Variants in TMTC3 observed in about 807,000 individuals in gnomAD.
TMTC3 encodes transmembrane O-mannosyltransferase targeting cadherins 3, also known as protein O-mannosyl-transferase TMTC3.
TMTC3 carries 52 observed loss-of-function variants against 92.2 expected under a neutral mutation model. That is an observed-to-expected ratio of 0.56 (90% confidence interval 0.45 to 0.71). The LOEUF is 0.71. Among genes scored for constraint, TMTC3 ranks in the 30% least tolerant of loss-of-function variants. The pLI is 0.00. For synonymous variants in TMTC3, 339 were observed against 363.3 expected, an observed-to-expected ratio of 0.93 and a Z score of 0.76; for missense variants, 896 against 1,057.1, an observed-to-expected ratio of 0.85 and a Z score of 2.11.
At chr12:88,187,661 G>GT (rs1252389842) in intron 10 of TMTC3, among the ~76,000 whole-genome samples, 4 of 152,134 alleles carry the variant, frequency 2.6e-5, no homozygotes, top group African/African-American at 9.7e-5. Flanking sequence ...ACAATTGCCA[G>GT]CCTAAAACAT....
intron 4 of TMTC3, among the ~76,000 whole-genome samples, chr12:88,156,817 T>TTTG (rs1365402842): frequency 1.3e-5 from 2 of 151,002 alleles, no homozygotes; most frequent in East Asian, 1.9e-4. Context: ...GTGTGTTTTT[T>TTTG]TTTTTTTTTT....
At chr12:88,159,006 C>T (rs565475848) in intron 4 of TMTC3, among the ~76,000 whole-genome samples, 4 of 148,310 alleles carry the variant, frequency 2.7e-5, no homozygotes, top group Admixed American at 6.8e-5. Flanking sequence ...GAACTGAGAC[C>T]GTGCCATTGC....
intron 2 of TMTC3, among the ~76,000 whole-genome samples, chr12:88,148,820 G>A (rs1276709457): frequency 6.6e-6 from 1 of 151,580 alleles, no homozygotes; most frequent in Non-Finnish European, 1.5e-5. Flanking sequence ...TGATGTTTGG[G>A]GTACCAATCT....
At chr12:88,174,581 T>G (rs1431155740) in intron 8 of TMTC3, 26 bp from the exon 9 acceptor site, 1 of 1,588,630 alleles carries the variant, frequency 6.3e-7, no homozygotes, top group Non-Finnish European at 8.5e-7. Flanking sequence ...CAATTTTTTT[T>G]GTTTTGCTTT....
intron 7 of TMTC3, among the ~76,000 whole-genome samples, chr12:88,168,597 C>T (rs1251881318): frequency 1.3e-5 from 2 of 152,064 alleles, no homozygotes; most frequent in Admixed American, 6.6e-5. Context: ...TTTTTGAATG[C>T]GGATATCCCT....
At chr12:88,164,888 T>C (rs895234287) in intron 6 of TMTC3, among the ~76,000 whole-genome samples, 3 of 152,178 alleles carry the variant, frequency 2.0e-5, no homozygotes, top group African/African-American at 7.2e-5. Context: ...AATTACTTGT[T>C]AATATCCTGG....
At chr12:88,190,354 G>A in intron 11 of TMTC3, 99 bp from the exon 12 acceptor site, 1 of 1,064,838 alleles carries the variant, frequency 9.4e-7, no homozygotes, top group Non-Finnish European at 1.4e-6. Flanking sequence ...ATTTTTTACA[G>A]TATGTTCTGA....
In TMTC3 at chr12:88,149,439, AAG is replaced by A. The variant is rs1320933256; in HGVS notation, c.189+940_189+941del. Reference sequence around the variant, plus strand: ...AGGATAATTCCTTTCCAAAATAAAAAAGAGAGTAATGCTTCAAATTTCTGGGG... The same window carrying A: ...AGGATAATTCCTTTCCAAAATAAAAAAGAGTAATGCTTCAAATTTCTGGGG... On this transcript the variant is annotated intron_variant, in intron 2 of 13. Transcript: ENST00000266712. Among the ~76,000 whole-genome samples, 4 of 152,194 alleles carry A rather than the reference AAG, an allele frequency of 2.6e-5. No individual in the cohort carries two copies. In the South Asian group the frequency reaches 8.3e-4, roughly 31 times the overall value.
At chr12:88,161,233 T>C (rs2041075848) in intron 6 of TMTC3, among the ~76,000 whole-genome samples, 1 of 152,158 alleles carries the variant, frequency 6.6e-6, no homozygotes, top group South Asian at 2.1e-4. Flanking sequence ...TTTTGTTTTG[T>C]GCGTTTTTGA....
intron 7 of TMTC3, among the ~76,000 whole-genome samples, chr12:88,170,146 A>T (rs2041189116): frequency 6.6e-6 from 1 of 152,184 alleles, no homozygotes; most frequent in African/African-American, 2.4e-5. Context: ...ATACATTATT[A>T]GAGAGCATAT....
intron 2 of TMTC3, among the ~76,000 whole-genome samples, chr12:88,151,898 C>A (rs2040947732): frequency 6.6e-6 from 1 of 152,118 alleles, no homozygotes; most frequent in Non-Finnish European, 1.5e-5. Flanking sequence ...AAAGAACATT[C>A]TAAGTAGATA....
chr12:88,173,052 C>T, intron 8 of TMTC3: 4 of 1,315,310 alleles, frequency 3.0e-6, no homozygotes, highest in Non-Finnish European at 4.0e-6. Context: ...TTGCCACTTC[C>T]ATATTCAGTG....
rs773777108 is a variant in TMTC3 at position 88,176,199 on chromosome 12, G to C, written c.1321-9G>C. ...ATTGTAACTTTTTCTATCTGTGCTT[G>C]TATTTAAGGTAAATAAAAATAATGC... On this transcript the variant is annotated splice_polypyrimidine_tract_variant and intron_variant, in intron 9 of 13. Coordinates refer to ENST00000266712, the MANE Select transcript of TMTC3 (RefSeq NM_181783.4). 3 of 1,564,048 alleles carry C rather than the reference G, an allele frequency of 1.9e-6. No individual in the cohort carries two copies. The Admixed American group carries it at 5.2e-5, about 27-fold the overall frequency.
rs2041058826 is a variant in TMTC3 at position 88,160,111 on chromosome 12, C to T, written c.509-3C>T. 6.5e-7 allele frequency: 1 copy of T among 1,529,994 alleles called. No homozygotes were observed. The highest frequency in any genetic ancestry group is 8.9e-7 in the Non-Finnish European group (1 of 1,129,702). The allele number at this position is 1,529,994 out of a possible 1,614,324, so 94.8% of individuals were successfully genotyped here. A position where few individuals can be genotyped will look rare whatever the true frequency, so the allele number is the denominator to read the frequency against. ...TTTTATATTTTCTGTTCTCAAATTG[C>T]AGTATGGACTCCAATTGCCTTGACA... On this transcript the variant is annotated splice_polypyrimidine_tract_variant and splice_region_variant and intron_variant, in intron 4 of 13. Transcript: ENST00000266712.
intron 7 of TMTC3, among the ~76,000 whole-genome samples, chr12:88,170,886 C>A (rs1019263506): frequency 6.6e-6 from 1 of 152,086 alleles, no homozygotes; most frequent in Non-Finnish European, 1.5e-5. Context: ...ACATGTCATC[C>A]CATTTTCAAA....
intron 4 of TMTC3, among the ~76,000 whole-genome samples, chr12:88,159,401 C>T (rs2138379727): frequency 6.6e-6 from 1 of 152,250 alleles, no homozygotes; most frequent in South Asian, 2.1e-4. Context: ...GGGCTAGACA[C>T]AATGGCTCGT....
intron 2 of TMTC3, among the ~76,000 whole-genome samples, chr12:88,151,297 C>A (rs868215965): frequency 6.6e-6 from 1 of 152,162 alleles, no homozygotes; most frequent in African/African-American, 2.4e-5. Context: ...AAGGTAACTT[C>A]TGCAAATATT....
rs1392707328 is a variant in TMTC3, at chr12:88,143,280, A to T, written c.-29+793A>T. ...CCAATTTGGGTAAAATAAGTAGCTC[A>T]GTACAAAATAAAAAGATACTGATTT... On this transcript the variant is annotated intron_variant, in intron 1 of 13. Coordinates refer to ENST00000266712, the MANE Select transcript of TMTC3 (RefSeq NM_181783.4). 2.6e-5 allele frequency among the ~76,000 whole-genome samples: 4 copies of T among 152,204 alleles called. No individual in the cohort carries two copies. The East Asian group carries it at 7.7e-4, about 29-fold the overall frequency.
chr12:88,185,190 C>T (rs2041362491), intron 10 of TMTC3, among the ~76,000 whole-genome samples: 1 of 152,076 alleles, frequency 6.6e-6, no homozygotes, highest in African/African-American at 2.4e-5. Context: ...AAATATCCAT[C>T]AACCCCTCAA....
Sources: gnomAD v4.1 joint callset for allele counts (sites outside exome capture counted in the v4.1 genomes callset) on GRCh38, gnomAD v4.1.1 for gene constraint, MANE v1.5 for transcripts, NCBI Gene and HGNC (gene_info 2026-07-23, HGNC 2026-07-21) for gene names.